ITSN1: variants seen among roughly 807,000 people sequenced by gnomAD.
ITSN1 encodes intersectin-1.
In ITSN1, 58 loss-of-function variants were observed where a neutral mutation model predicts 239.8. The observed-to-expected ratio is 0.24, with a 90% CI of 0.20 to 0.30. The LOEUF (loss-of-function observed/expected upper bound fraction) is 0.30. Among genes scored for constraint, ITSN1 ranks in the 10% least tolerant of loss-of-function variants. The pLI is 1.00. For synonymous variants in ITSN1, 780 were observed against 770.8 expected (o/e 1.01, Z -0.20); for missense variants, 1,558 against 2,103.3 (o/e 0.74, Z 5.07).
intron 1 of ITSN1, among the ~76,000 whole-genome samples, chr21:33,705,231 A>T (rs1382755400): frequency 1.3e-5 from 2 of 152,174 alleles, no homozygotes; most frequent in African/African-American, 4.8e-5. Flanking sequence ...AAAAATAAAA[A>T]TTTTTCCTGA....
chr21:33,867,853 A>G (rs1168193673), intron 33 of ITSN1, among the ~76,000 whole-genome samples: 1 of 152,042 alleles, frequency 6.6e-6, no homozygotes, highest in African/African-American at 2.4e-5. Flanking sequence ...GTGAAGCTGC[A>G]GACCTTCGCG....
intron 34 of ITSN1, among the ~76,000 whole-genome samples, chr21:33,877,181 GTAGCTGGGAT>G (rs11278266): frequency 0.013 from 1,973 of 151,302 alleles, 51 homozygotes; most frequent in African/African-American, 0.046. Flanking sequence ...AGCCTCAAAA[GTAGCTGGGAT>G]TACAGGTGCG....
chr21:33,652,354 G>A (rs2088617970), intron 1 of ITSN1, among the ~76,000 whole-genome samples: 2 of 152,116 alleles, frequency 1.3e-5, no homozygotes, highest in South Asian at 4.1e-4. Flanking sequence ...ACACACTGGG[G>A]TTCAAAGCAT....
intron 10 of ITSN1, among the ~76,000 whole-genome samples, chr21:33,767,259 G>A (rs1250566936): frequency 2.6e-5 from 4 of 152,078 alleles, no homozygotes; most frequent in Non-Finnish European, 4.4e-5. Flanking sequence ...TTTGTTTTAC[G>A]AACTATATAG....
At chr21:33,689,151 A>G (rs1470578382) in intron 1 of ITSN1, among the ~76,000 whole-genome samples, 3 of 152,168 alleles carry the variant, frequency 2.0e-5, no homozygotes, top group African/African-American at 7.2e-5. Flanking sequence ...AAGAAGTTCT[A>G]CAGTAAATCA....
At chr21:33,833,781 A>T (rs780807163) in intron 27 of ITSN1, among the ~76,000 whole-genome samples, 20 of 151,650 alleles carry the variant, frequency 1.3e-4, no homozygotes, top group Non-Finnish European at 2.2e-4. Flanking sequence ...CTGAGGCAGG[A>T]GAATGGCCTG....
In ITSN1 at chr21:33,711,110, A is replaced by G. The variant is rs753409124; in HGVS notation, c.-32-7687A>G. On this transcript the variant is annotated intron_variant, in intron 1 of 39. Transcript: ENST00000381318. ...TTTAATGATAAAATCAGCTTCTTTA[A>G]TAAATATAAGAGTATTCACATTCTC... Among the ~76,000 whole-genome samples, 78 of 152,318 alleles carry G rather than the reference A, an allele frequency of 5.1e-4. 1 individual carries two copies. The highest frequency in any genetic ancestry group is 8.8e-4 in the Non-Finnish European group (60 of 68,026).
chr21:33,813,747 T>A (rs2073075335), intron 21 of ITSN1, among the ~76,000 whole-genome samples, 166 bp from the exon 22 acceptor site: 1 of 149,702 alleles, frequency 6.7e-6, no homozygotes, highest in Non-Finnish European at 1.5e-5. Flanking sequence ...TTTTTCTTTT[T>A]TTCCTCTTTT....
intron 5 of ITSN1, among the ~76,000 whole-genome samples, chr21:33,741,252 A>G (rs2066830105): frequency 6.6e-6 from 1 of 152,228 alleles, no homozygotes; most frequent in Non-Finnish European, 1.5e-5. Flanking sequence ...GTAGATTGAC[A>G]TTCTTACTTA....
intron 34 of ITSN1, among the ~76,000 whole-genome samples, chr21:33,876,313 CTTCCTTCCTTCCTTCT>C (rs992425214): frequency 1.8e-4 from 26 of 142,548 alleles, no homozygotes; most frequent in South Asian, 9.0e-4. Flanking sequence ...TTTCTCCTTC[CTTCCTTCCTTCCTTCT>C]TTCCTTCCTT....
At chr21:33,698,821 C>G (rs1451535928) in intron 1 of ITSN1, among the ~76,000 whole-genome samples, 1 of 152,208 alleles carries the variant, frequency 6.6e-6, no homozygotes, top group East Asian at 1.9e-4. Flanking sequence ...AGATAGGAAT[C>G]TGGTATAAGA....
At chr21:33,658,098 A>T (rs1010571652) in intron 1 of ITSN1, among the ~76,000 whole-genome samples, 2 of 152,228 alleles carry the variant, frequency 1.3e-5, no homozygotes, top group African/African-American at 4.8e-5. Context: ...TTTGTATGCT[A>T]TATGTATGAT....
chr21:33,803,522 C>T (rs890858085), intron 20 of ITSN1, among the ~76,000 whole-genome samples: 1 of 152,024 alleles, frequency 6.6e-6, no homozygotes, highest in African/African-American at 2.4e-5. Context: ...CATAAGATTT[C>T]CATCAAAAAA....
intron 1 of ITSN1, chr21:33,643,800 G>T (rs941261694): frequency 3.9e-5 from 6 of 152,128 alleles, no homozygotes; most frequent in African/African-American, 1.4e-4. Context: ...TGATCAAAAC[G>T]TACAGATAAT....
At chr21:33,662,844 A>G (rs1013806798) in intron 1 of ITSN1, among the ~76,000 whole-genome samples, 2 of 152,212 alleles carry the variant, frequency 1.3e-5, no homozygotes, top group Non-Finnish European at 2.9e-5. Flanking sequence ...CACATATGCC[A>G]TCTAAAATTT....
rs562170754 is a variant in ITSN1 at position 33,888,168 on chromosome 21, G to A, written c.5034G>A (p.Thr1678=). The A allele has an allele frequency of 1.5e-5, 24 of 1,613,954 alleles. No homozygotes were observed. Among genetic ancestry groups the A allele is most frequent in the Admixed American group, 5.0e-5 (3 of 59,992 alleles). Residue 1678 remains threonine, a synonymous_variant, in exon 40 of 40, where the codon ACG becomes ACA. Transcript: ENST00000381318. ...TCTTTTCAGATTTTTTGGGTCGGAC[G>A]GAGATCCGTGTGGCGGACATCAAGA... The part of the protein sequence containing the change: ...QFSPDDFLGR[T]EIRVADIKKD...
At chr21:33,748,594 C>G (rs145360951) in intron 5 of ITSN1, among the ~76,000 whole-genome samples, 6 of 152,062 alleles carry the variant, frequency 3.9e-5, no homozygotes, top group African/African-American at 1.4e-4. Context: ...AATCCCAGCA[C>G]TTTGAGAGGC....
chr21:33,648,410 A>G (rs2088180146), intron 1 of ITSN1, among the ~76,000 whole-genome samples: 1 of 152,192 alleles, frequency 6.6e-6, no homozygotes, highest in Non-Finnish European at 1.5e-5. Context: ...GACATGTTTT[A>G]TAGGCATTTG....
At chr21:33,712,735 T>C (rs576842789) in intron 1 of ITSN1, among the ~76,000 whole-genome samples, 1 of 152,326 alleles carries the variant, frequency 6.6e-6, no homozygotes, top group Admixed American at 6.5e-5. Flanking sequence ...TTTTACTCCA[T>C]GGAAAGGAAA....
Sources: gnomAD v4.1 joint callset for allele counts (sites outside exome capture counted in the v4.1 genomes callset) on GRCh38, gnomAD v4.1.1 for gene constraint, MANE v1.5 for transcripts, NCBI Gene and HGNC (gene_info 2026-07-23, HGNC 2026-07-21) for gene names.